Variants in CNR2 observed in about 807,000 individuals in gnomAD.
CNR2 encodes the protein cannabinoid receptor 2.
For synonymous variants in CNR2, 172 were observed against 182.2 expected, an observed-to-expected ratio of 0.94 and a Z score of 0.45; for missense variants, 379 against 439.9, an observed-to-expected ratio of 0.86 and a Z score of 1.24.
At chr1:23,907,149 C>A (rs970236191) in intron 1 of CNR2, 6 of 151,976 alleles carry the variant, frequency 3.9e-5, no homozygotes, top group Non-Finnish European at 8.8e-5. Flanking sequence ...AATCCCAGCA[C>A]TTTAGGAGAG....
At chr1:23,901,542 A>C in intron 1 of CNR2, 1 of 1,610,702 alleles carries the variant, frequency 6.2e-7, no homozygotes, top group Non-Finnish European at 8.5e-7. Flanking sequence ...TCCGAGGAGC[A>C]CTGGAACTGG....
rs1557521293 is a variant in CNR2 at position 23,874,975 on chromosome 1, T to C, written c.643A>G (p.Lys215Glu). ...AAGCTGGCCACATGCTGATGGGCCTTCCAGAGAACATGCCCATAGGTGTAG... is the reference window on the plus strand; with the variant it reads ...AAGCTGGCCACATGCTGATGGGCCTCCCAGAGAACATGCCCATAGGTGTAG... The part of the protein sequence containing the change: ...IIYTYGHVLW[K>E]AHQHVASLSG... The change falls in exon 2 of 2, where the codon AAG (lysine) becomes GAG (glutamate). Residue 215 changes from lysine (K) to glutamate (E), a missense_variant. Physicochemically the swap from Lys to Glu is moderately conservative, Grantham distance 56. Transcript: ENST00000374472. The C allele has an allele frequency of 1.2e-6, 2 of 1,609,964 alleles. No homozygotes were observed. The highest frequency in any genetic ancestry group is 1.1e-5 in the South Asian group (1 of 90,568).
intron 1 of CNR2, among the ~76,000 whole-genome samples, chr1:23,898,329 G>A (rs1475156781): frequency 1.0e-4 from 11 of 105,430 alleles, no homozygotes; most frequent in South Asian, 6.8e-4. Flanking sequence ...GAGCCACCGC[G>A]CCCGGCTTTT....
chr1:23,905,828 C>T (rs921564749), intron 1 of CNR2, among the ~76,000 whole-genome samples: 1 of 152,164 alleles, frequency 6.6e-6, no homozygotes, highest in Admixed American at 6.5e-5. Flanking sequence ...TGCATTTGTG[C>T]ATCTGTTGGC....
At chr1:23,903,046 C>A (rs1216172959) in intron 1 of CNR2, among the ~76,000 whole-genome samples, 2 of 150,176 alleles carry the variant, frequency 1.3e-5, no homozygotes, top group Admixed American at 6.7e-5. Flanking sequence ...AGCGACGCGG[C>A]GGTGATGGCA....
At chr1:23,886,896 GT>G (rs5773059) in intron 1 of CNR2, among the ~76,000 whole-genome samples, 108,548 of 151,790 alleles carry the variant, frequency 0.72, 39,514 homozygotes, top group Middle Eastern at 0.8. Flanking sequence ...CGGTTTTTTT[GT>G]TTTTTTTGTT....
At chr1:23,900,431 C>A (rs567014831) in intron 1 of CNR2, among the ~76,000 whole-genome samples, 1 of 151,936 alleles carries the variant, frequency 6.6e-6, no homozygotes, top group East Asian at 1.9e-4. Context: ...GCAAGGTGAA[C>A]CCCTAGAGGC....
intron 1 of CNR2, among the ~76,000 whole-genome samples, chr1:23,897,254 G>A (rs1191762311): frequency 6.6e-6 from 1 of 152,084 alleles, no homozygotes; most frequent in Non-Finnish European, 1.5e-5. Context: ...GCAGAAAACA[G>A]GGGTGTTGTC....
chr1:23,894,930 T>C (rs1032253434), intron 1 of CNR2, among the ~76,000 whole-genome samples: 6 of 151,778 alleles, frequency 4.0e-5, no homozygotes, highest in African/African-American at 1.2e-4. Flanking sequence ...ATTAGAAATC[T>C]GCAACACTGC....
intron 1 of CNR2, among the ~76,000 whole-genome samples, chr1:23,894,473 G>C (rs966087658): frequency 5.4e-5 from 7 of 129,298 alleles, no homozygotes; most frequent in African/African-American, 1.4e-4. Context: ...AGGAAGCAAG[G>C]AAGGAAGGAA....
chr1:23,885,266 C>T (rs4233044), intron 1 of CNR2, among the ~76,000 whole-genome samples: 126,307 of 145,346 alleles, frequency 0.87, 53,711 homozygotes, highest in African/African-American at 0.88. Context: ...CCACCATCTC[C>T]TTAAAAAAAA....
chr1:23,907,564 C>T (rs1211605369), intron 1 of CNR2, among the ~76,000 whole-genome samples: 4 of 150,428 alleles, frequency 2.7e-5, no homozygotes, highest in African/African-American at 9.8e-5. Flanking sequence ...GATCTCGGCT[C>T]ACTGCAACCT....
chr1:23,911,911 A>G lies in CNR2; in HGVS notation c.-46+1335T>C, dbSNP rs547329551. Among the ~76,000 whole-genome samples, 4 of 152,220 alleles carry G rather than the reference A, an allele frequency of 2.6e-5. No homozygotes were observed. In the South Asian group the frequency reaches 8.3e-4, roughly 32 times the overall value. ...CTCCCTGAACTTCTCCCCAGCCTCC[A>G]TCCTGGTTTTCATGCTGCCAACGTG... On this transcript the variant is annotated intron_variant, in intron 1 of 1. Transcript: ENST00000374472.
At chr1:23,901,445 G>A (rs1640397343) in intron 1 of CNR2, 7 of 1,526,420 alleles carry the variant, frequency 4.6e-6, no homozygotes, top group Middle Eastern at 2.4e-4. Context: ...TCCACTCGCC[G>A]ACCTGCTGCA....
chr1:23,894,429 A>G (rs536844461), intron 1 of CNR2, among the ~76,000 whole-genome samples: 18 of 121,950 alleles, frequency 1.5e-4, no homozygotes, highest in African/African-American at 5.0e-4. Flanking sequence ...CTCAAAAAAA[A>G]AAAATTTTTT....
Position 23,892,531 on chromosome 1 carries a change from G to C in CNR2, c.-45-16869C>G, listed in dbSNP as rs139214012. Among the ~76,000 whole-genome samples the C allele has an allele frequency of 3.2e-3, 483 of 152,292 alleles. 6 individuals carry two copies. The highest frequency in any genetic ancestry group is 0.011 in the African/African-American group (465 of 41,554). On this transcript the variant is annotated intron_variant, in intron 1 of 1. Coordinates refer to ENST00000374472, the MANE Select transcript of CNR2 (RefSeq NM_001841.3). Reference sequence around the variant, plus strand: ...ATTAGGAGAAAAGCAGCCTTCTTCAGACCCACTTCTGTGCTTCTTTTTCCC... The same window carrying C: ...ATTAGGAGAAAAGCAGCCTTCTTCACACCCACTTCTGTGCTTCTTTTTCCC...
intron 1 of CNR2, among the ~76,000 whole-genome samples, chr1:23,900,165 C>G (rs1439391109): frequency 6.6e-6 from 1 of 151,836 alleles, no homozygotes; most frequent in African/African-American, 2.4e-5. Context: ...TTGTGGCCCC[C>G]ACCCAGGAAC....
chr1:23,905,558 G>C (rs1640473788), intron 1 of CNR2, among the ~76,000 whole-genome samples: 1 of 151,954 alleles, frequency 6.6e-6, no homozygotes, highest in South Asian at 2.1e-4. Context: ...TGGGGGACTA[G>C]TATCACTCCT....
Position 23,895,403 on chromosome 1 carries a change from A to G in CNR2, c.-46+17843T>C, listed in dbSNP as rs1640263694. On this transcript the variant is annotated intron_variant, in intron 1 of 1. Coordinates refer to ENST00000374472, the MANE Select transcript of CNR2 (RefSeq NM_001841.3). Reference sequence around the variant, plus strand: ...AAGGCTCACGGCTATTATGTGAGGCAGGTTTTGCTCAACTATTCCATGAGC... The same window carrying G: ...AAGGCTCACGGCTATTATGTGAGGCGGGTTTTGCTCAACTATTCCATGAGC... 9.8e-5 allele frequency among the ~76,000 whole-genome samples: 15 copies of G among 152,334 alleles called. No homozygotes were observed. In the South Asian group the frequency reaches 2.9e-3, roughly 29 times the overall value.
Sources: allele counts gnomAD v4.1 joint callset (sites outside exome capture counted in the v4.1 genomes callset), GRCh38; gene constraint gnomAD v4.1.1; transcripts MANE v1.5; gene names NCBI Gene and HGNC (gene_info 2026-07-23, HGNC 2026-07-21).